Variants in ITFG1 observed in about 807,000 individuals in gnomAD.
ITFG1 encodes the protein T-cell immunomodulatory protein.
A neutral mutation model predicts 81.8 loss-of-function variants in ITFG1; 34 were observed. That is an observed-to-expected ratio of 0.42 (90% CI 0.32 to 0.55). The LOEUF (loss-of-function observed/expected upper bound fraction) is 0.55, where lower values mean the gene tolerates loss of function less well. Among genes scored for constraint, ITFG1 ranks in the 20% least tolerant of loss-of-function variants. The pLI is 0.17. For missense variants in ITFG1, 672 were observed against 755.4 expected, an observed-to-expected ratio of 0.89 and a Z score of 1.29; for synonymous variants, 285 against 270.6, an observed-to-expected ratio of 1.05 and a Z score of -0.52.
At chr16:47,350,367 A>T (rs1967932780) in intron 8 of ITFG1, among the ~76,000 whole-genome samples, 1 of 152,344 alleles carries the variant, frequency 6.6e-6, no homozygotes, top group South Asian at 2.1e-4. Flanking sequence ...CGCAATAAAA[A>T]ATGATAAAGG....
At chr16:47,333,413 G>C (rs1395125963) in intron 8 of ITFG1, among the ~76,000 whole-genome samples, 1 of 152,168 alleles carries the variant, frequency 6.6e-6, no homozygotes, top group East Asian at 1.9e-4. Flanking sequence ...CAGAATTAGA[G>C]ACCTAGCAAG....
At chr16:47,352,103 A>G (rs1160671292) in intron 8 of ITFG1, among the ~76,000 whole-genome samples, 2 of 152,168 alleles carry the variant, frequency 1.3e-5, no homozygotes, top group African/African-American at 4.8e-5. Flanking sequence ...AATCATAAAA[A>G]CCCTAGAAAA....
intron 10 of ITFG1, among the ~76,000 whole-genome samples, chr16:47,307,923 C>T (rs1166710559): frequency 3.3e-5 from 5 of 152,128 alleles, no homozygotes; most frequent in South Asian, 2.1e-4. Flanking sequence ...TGTGTTAATT[C>T]GCCTAGGAAA....
At chr16:47,286,618 C>T (rs968764212) in intron 10 of ITFG1, among the ~76,000 whole-genome samples, 7 of 149,902 alleles carry the variant, frequency 4.7e-5, no homozygotes, top group African/African-American at 9.9e-5. Context: ...CCAGCCTGGG[C>T]GACAAGAGTG....
intron 8 of ITFG1, among the ~76,000 whole-genome samples, chr16:47,314,182 A>T (rs1361903673): frequency 6.6e-6 from 1 of 152,164 alleles, no homozygotes; most frequent in Non-Finnish European, 1.5e-5. Flanking sequence ...TTAAAATAAA[A>T]GTTGAAATTA....
At position 47,395,926 on chromosome 16, in the gene ITFG1, G is replaced by A. The variant is rs187769180; in HGVS notation, c.656-19986C>T. Among the ~76,000 whole-genome samples the A allele has an allele frequency of 1.3e-3, 195 of 152,260 alleles. 1 individual carries two copies. The highest frequency in any genetic ancestry group is 2.1e-3 in the Non-Finnish European group (142 of 68,022). Reference sequence around the variant, plus strand: ...TTAAGAACACATCTATATTCAGAAAGCAGGTGTGAAGAAATATCAAACCAT... The same window carrying A: ...TTAAGAACACATCTATATTCAGAAAACAGGTGTGAAGAAATATCAAACCAT... On this transcript the variant is annotated intron_variant, in intron 6 of 17. Coordinates refer to ENST00000320640, the MANE Select transcript of ITFG1 (RefSeq NM_030790.5).
intron 5 of ITFG1, among the ~76,000 whole-genome samples, chr16:47,443,509 A>C (rs948303482): frequency 1.3e-5 from 2 of 152,148 alleles, no homozygotes; most frequent in African/African-American, 2.4e-5. Context: ...AAATGGCCAA[A>C]AATGATAGAC....
intron 14 of ITFG1, among the ~76,000 whole-genome samples, chr16:47,164,555 A>C (rs769838995): frequency 1.9e-4 from 29 of 152,224 alleles, no homozygotes; most frequent in Non-Finnish European, 3.8e-4. Flanking sequence ...GATCCCCAAA[A>C]ATATGTTGTA....
In ITFG1 at chr16:47,327,011, C is replaced by T. The variant is rs1179247259; in HGVS notation, c.803-13188G>A. Among the ~76,000 whole-genome samples, 24 of 152,186 alleles carry T rather than the reference C, an allele frequency of 1.6e-4. No individual in the cohort carries two copies. The South Asian group carries it at 1.7e-3, about 11-fold the overall frequency. ...TATGGAACCAAAAAAGAGCCCGCAT[C>T]GCCAAGTCAATCCTAAGCCAAAAGA... On this transcript the variant is annotated intron_variant, in intron 8 of 17. Transcript: ENST00000320640.
intron 6 of ITFG1, among the ~76,000 whole-genome samples, chr16:47,388,636 A>G (rs1968492335): frequency 6.6e-6 from 1 of 152,224 alleles, no homozygotes; most frequent in South Asian, 2.1e-4. Flanking sequence ...GAGGAAATAA[A>G]GACATTTCTA....
intron 12 of ITFG1, among the ~76,000 whole-genome samples, chr16:47,250,355 A>G (rs537850226): frequency 6.6e-6 from 1 of 151,318 alleles, no homozygotes; most frequent in Admixed American, 6.6e-5. Flanking sequence ...TATATAATAT[A>G]TACCTATATA....
chr16:47,309,572 A>G (rs1180750039), intron 10 of ITFG1, among the ~76,000 whole-genome samples: 2 of 152,222 alleles, frequency 1.3e-5, no homozygotes, highest in African/African-American at 4.8e-5. Flanking sequence ...GCTACTTCTC[A>G]TCTGTGATGG....
At chr16:47,196,987 A>C (rs955808241) in intron 14 of ITFG1, among the ~76,000 whole-genome samples, 1 of 152,156 alleles carries the variant, frequency 6.6e-6, no homozygotes, top group African/African-American at 2.4e-5. Context: ...TAAGGCTGAC[A>C]AAACACTCTC....
intron 10 of ITFG1, among the ~76,000 whole-genome samples, chr16:47,280,229 T>C (rs982030039): frequency 5.3e-5 from 8 of 152,184 alleles, no homozygotes; most frequent in African/African-American, 1.4e-4. Flanking sequence ...CTTTCACCAT[T>C]AATTATAAGG....
chr16:47,366,401 G>A (rs939160581), intron 7 of ITFG1, among the ~76,000 whole-genome samples: 2 of 152,154 alleles, frequency 1.3e-5, no homozygotes, highest in African/African-American at 4.8e-5. Flanking sequence ...ATCAACTCAA[G>A]TTTACATATC....
intron 8 of ITFG1, among the ~76,000 whole-genome samples, chr16:47,339,690 C>A (rs188454964): frequency 5.1e-4 from 78 of 151,836 alleles, no homozygotes; most frequent in African/African-American, 1.9e-3. Flanking sequence ...AAAGAAAAAA[C>A]GATGAAGAAA....
chr16:47,453,930 T>C, intron 3 of ITFG1, 83 bp downstream of exon 3: 2 of 885,678 alleles, frequency 2.3e-6, no homozygotes, highest in South Asian at 1.7e-5. Context: ...AACAGTATTT[T>C]TGAACTGATT....
At chr16:47,241,594 A>G (rs1965934121) in intron 12 of ITFG1, among the ~76,000 whole-genome samples, 1 of 152,222 alleles carries the variant, frequency 6.6e-6, no homozygotes, top group African/African-American at 2.4e-5. Context: ...TGTCCAGAAT[A>G]GGCAAATCGA....
At chr16:47,186,885 C>T (rs1965225388) in intron 14 of ITFG1, among the ~76,000 whole-genome samples, 1 of 152,200 alleles carries the variant, frequency 6.6e-6, no homozygotes. Context: ...CCAAAATCTC[C>T]TTAAGCTGAT....
Sources: gnomAD v4.1 joint callset for allele counts (sites outside exome capture counted in the v4.1 genomes callset) on GRCh38, gnomAD v4.1.1 for gene constraint, MANE v1.5 for transcripts, NCBI Gene and HGNC (gene_info 2026-07-23, HGNC 2026-07-21) for gene names.